ASPH: variants seen among roughly 807,000 people sequenced by gnomAD.
ASPH encodes the protein aspartyl/asparaginyl beta-hydroxylase.
ASPH carries 100 observed loss-of-function variants against 118.4 expected under a neutral mutation model. The observed-to-expected ratio is 0.84, with a 90% CI of 0.72 to 1.00. The LOEUF (loss-of-function observed/expected upper bound fraction) is 1.00. Among genes scored for constraint, ASPH ranks in the 50% least tolerant of loss-of-function variants. The pLI is 0.00. For missense variants in ASPH, 920 were observed against 919.5 expected (o/e 1.00, Z -0.01); for synonymous variants, 315 against 325.6 (o/e 0.97, Z 0.35).
chr8:61,645,142 G>A lies in ASPH; in HGVS notation c.620-510C>T, dbSNP rs115955369. On this transcript the variant is annotated intron_variant, in intron 6 of 24. Transcript: ENST00000379454. ...GCTATCTGTCCGTCACCACACTTAT[G>A]ACCTTGCTAATTTTATTTAATGCAT... 1.7e-3 allele frequency among the ~76,000 whole-genome samples: 264 copies of A among 152,216 alleles called. 1 individual carries two copies. Among genetic ancestry groups the A allele is most frequent in the African/African-American group, 5.9e-3 (245 of 41,532 alleles).
At chr8:61,614,905 C>G (rs7839264) in intron 14 of ASPH, among the ~76,000 whole-genome samples, 1 of 152,160 alleles carries the variant, frequency 6.6e-6, no homozygotes, top group African/African-American at 2.4e-5. Flanking sequence ...TACTCTACAT[C>G]GTAATCCTGG....
intron 5 of ASPH, among the ~76,000 whole-genome samples, chr8:61,648,708 C>T (rs1809326535): frequency 6.6e-6 from 1 of 152,164 alleles, no homozygotes; most frequent in South Asian, 2.1e-4. Context: ...TCATGAGACT[C>T]TAGGCATGGC....
chr8:61,606,512 A>C (rs1845613287), intron 14 of ASPH: 1 of 152,226 alleles, frequency 6.6e-6, no homozygotes, highest in African/African-American at 2.4e-5. Flanking sequence ...ACACAACTTG[A>C]ATCAAGTTGA....
In ASPH at chr8:61,674,593, G is replaced by A. The variant is rs922758502; in HGVS notation, c.322+6375C>T. On this transcript the variant is annotated intron_variant, in intron 3 of 24. Transcript: ENST00000379454. ...GAATGTTTGCTTTTTAATAAGATTA[G>A]CAAATTGGACAGTATTTGCTGACAC... 1.3e-5 allele frequency among the ~76,000 whole-genome samples: 2 copies of A among 152,268 alleles called. 1 individual carries two copies. Among genetic ancestry groups the A allele is most frequent in the South Asian group, 4.1e-4 (2 of 4,832 alleles).
chr8:61,665,402 G>T, intron 3 of ASPH: 1 of 1,612,688 alleles, frequency 6.2e-7, no homozygotes. Flanking sequence ...CTTGGTTTTA[G>T]CACTTTTTTC....
At chr8:61,510,160 G>T (rs1808258664) in intron 24 of ASPH, among the ~76,000 whole-genome samples, 1 of 152,150 alleles carries the variant, frequency 6.6e-6, no homozygotes, top group Admixed American at 6.6e-5. Context: ...AGTTCTGAGT[G>T]CATTCATATG....
chr8:61,604,626 G>A (rs1322316152), intron 14 of ASPH, among the ~76,000 whole-genome samples: 2 of 152,180 alleles, frequency 1.3e-5, no homozygotes, highest in African/African-American at 4.8e-5. Context: ...TGTGATACAT[G>A]TTGTGATCCC....
intron 5 of ASPH, among the ~76,000 whole-genome samples, chr8:61,647,125 T>C (rs565097111): frequency 6.6e-6 from 1 of 152,350 alleles, no homozygotes; most frequent in African/African-American, 2.4e-5. Context: ...AGGAAGCTTA[T>C]ATATTTTATC....
intron 14 of ASPH, among the ~76,000 whole-genome samples, chr8:61,612,435 G>A (rs541339741): frequency 6.6e-6 from 1 of 150,632 alleles, no homozygotes; most frequent in South Asian, 2.1e-4. Context: ...GGGCAGTGGT[G>A]TGATTTCAGC....
chr8:61,713,165 T>A (rs1053192015), intron 1 of ASPH, among the ~76,000 whole-genome samples: 1 of 152,258 alleles, frequency 6.6e-6, no homozygotes, highest in Non-Finnish European at 1.5e-5. Context: ...GTCCTTAGAA[T>A]GTAAATTTGT....
intron 21 of ASPH, among the ~76,000 whole-genome samples, chr8:61,539,310 C>T (rs1266701069): frequency 6.6e-6 from 1 of 152,070 alleles, no homozygotes; most frequent in East Asian, 1.9e-4. Flanking sequence ...TCTGCAGCAA[C>T]CTCAATTCTT....
intron 6 of ASPH, 32 bp downstream of exon 6, chr8:61,646,718 T>C (rs1186605195): frequency 1.3e-6 from 2 of 1,590,910 alleles, no homozygotes; most frequent in Non-Finnish European, 1.7e-6. Flanking sequence ...TGATTATATT[T>C]TATCCTAAAA....
chr8:61,663,378 G>C, intron 3 of ASPH: 3 of 985,404 alleles, frequency 3.0e-6, no homozygotes, highest in Non-Finnish European at 3.6e-6. Context: ...ATCTCTCCCA[G>C]AGCCATCTGC....
chr8:61,557,129 CA>C (rs1465483070), intron 18 of ASPH, among the ~76,000 whole-genome samples: 1 of 152,196 alleles, frequency 6.6e-6, no homozygotes, highest in Admixed American at 6.5e-5. Flanking sequence ...TATCTTCTTA[CA>C]GGAGCCTCCT....
At chr8:61,711,217 T>C (rs1476586358) in intron 1 of ASPH, among the ~76,000 whole-genome samples, 2 of 152,108 alleles carry the variant, frequency 1.3e-5, no homozygotes, top group African/African-American at 4.8e-5. Context: ...GATGGAAAGC[T>C]GCTAGGAGAT....
Position 61,583,724 on chromosome 8 carries a change from G to A in ASPH, c.1062+220C>T, listed in dbSNP as rs1274722045. 2.0e-5 allele frequency among the ~76,000 whole-genome samples: 3 copies of A among 152,232 alleles called. No individual in the cohort carries two copies. In the East Asian group the frequency reaches 5.8e-4, roughly 29 times the overall value. ...ATGGAGGTAGGCTGACACCCGCATC[G>A]GCTGGCCTGAAGGAAAGTTCTATTT... On this transcript the variant is annotated intron_variant, in intron 15 of 24. Coordinates refer to ENST00000379454, the MANE Select transcript of ASPH (RefSeq NM_004318.4).
chr8:61,666,973 T>C (rs1171587916), intron 3 of ASPH, among the ~76,000 whole-genome samples: 1 of 152,214 alleles, frequency 6.6e-6, no homozygotes, highest in Non-Finnish European at 1.5e-5. Flanking sequence ...TTATTGTCCA[T>C]TTGTTTCATC....
chr8:61,567,447 C>T lies in ASPH; in HGVS notation c.1150-129G>A. 1.2e-5 allele frequency: 12 copies of T among 962,870 alleles called. No individual in the cohort carries two copies. In the South Asian group the frequency reaches 2.4e-4, roughly 19 times the overall value. 59.6% of individuals were successfully genotyped at this position (962,870 alleles called of 1,614,324 possible). On this transcript the variant is annotated intron_variant, in intron 16 of 24. Transcript: ENST00000379454. ...ATGTAAGACACGTTAGCCTTTTCTC[C>T]TTATCAAGAGATAAAAAAAACTAAC...
chr8:61,665,775 C>A (rs1346296392), intron 3 of ASPH, among the ~76,000 whole-genome samples: 1 of 152,116 alleles, frequency 6.6e-6, no homozygotes, highest in Admixed American at 6.5e-5. Context: ...AAAATAGGTG[C>A]AAATCTCTAT....
Sources: allele counts gnomAD v4.1 joint callset (sites outside exome capture counted in the v4.1 genomes callset), GRCh38; gene constraint gnomAD v4.1.1; transcripts MANE v1.5; gene names NCBI Gene and HGNC (gene_info 2026-07-23, HGNC 2026-07-21).